Variants in DUSP8 observed in about 807,000 individuals in gnomAD.
DUSP8 encodes dual specificity phosphatase 8, also known as dual specificity protein phosphatase 8.
A neutral mutation model predicts 38.7 loss-of-function variants in DUSP8; 15 were observed. The ratio of observed to expected loss-of-function variants is 0.39; its 90% CI spans 0.26 to 0.60. The LOEUF (loss-of-function observed/expected upper bound fraction) is 0.60, where lower values mean the gene tolerates loss of function less well. Among genes scored for constraint, DUSP8 ranks in the 20% least tolerant of loss-of-function variants. The pLI, the probability that DUSP8 is intolerant of heterozygous loss-of-function variation, is 0.56. For synonymous variants in DUSP8, 458 were observed against 433.9 expected (o/e 1.06, Z -0.69); for missense variants, 768 against 915.0 (o/e 0.84, Z 2.07).
chr11:1,566,923 C>G (rs1307390106), intron 1 of DUSP8, among the ~76,000 whole-genome samples: 1 of 152,160 alleles, frequency 6.6e-6, no homozygotes, highest in African/African-American at 2.4e-5. Context: ...TGTCACTGCC[C>G]CACTGCCGGG....
Position 1,556,476 on chromosome 11 carries a change from C to G in DUSP8, c.*42G>C, listed in dbSNP as rs1459071248. 6.5e-6 allele frequency: 8 copies of G among 1,232,074 alleles called. No individual in the cohort carries two copies. The highest frequency in any genetic ancestry group is 6.1e-6 in the Non-Finnish European group (6 of 987,734). 76.3% of individuals were successfully genotyped at this position (1,232,074 alleles called of 1,614,324 possible). The stretch of plus-strand genomic sequence containing the variant: ...CATTATATATAATATACATTTATAA[C>G]GGGCCTGGCTGCGGGCGGCGGGGCC... On this transcript the variant is annotated 3_prime_UTR_variant, in exon 7 of 7. Coordinates refer to ENST00000397374, the MANE Select transcript of DUSP8 (RefSeq NM_004420.3). This position sits in a 1 kb window ranked among gnomAD's most constrained non-coding sequence, Gnocchi z 5.2.
At position 1,557,970 on chromosome 11, in the gene DUSP8, C is replaced by G; in HGVS notation, c.698-53G>C. Reference sequence around the variant, plus strand: ...TGAGGGCTAAGACTGCACAGCTTCTCCCTGGCCCAGGTAGGGGACCCCACC... The same window carrying G: ...TGAGGGCTAAGACTGCACAGCTTCTGCCTGGCCCAGGTAGGGGACCCCACC... On this transcript the variant is annotated intron_variant, in intron 5 of 6. Transcript: ENST00000397374. The surrounding 1 kb of genome is among the most constrained non-coding windows in gnomAD (Gnocchi z 9.9). 1 of 1,612,110 alleles carries G rather than the reference C, an allele frequency of 6.2e-7. No individual in the cohort carries two copies. The highest frequency in any genetic ancestry group is 2.2e-5 in the East Asian group (1 of 44,840).
intron 1 of DUSP8, chr11:1,571,692 C>G (rs866331374): frequency 6.6e-6 from 1 of 151,462 alleles, no homozygotes; most frequent in Non-Finnish European, 1.5e-5. Flanking sequence ...CCGGGTCCGC[C>G]GGGCGTTGCG....
intron 3 of DUSP8, among the ~76,000 whole-genome samples, chr11:1,559,809 G>A (rs1848690715): frequency 6.6e-6 from 1 of 152,132 alleles, no homozygotes; most frequent in Non-Finnish European, 1.5e-5. Context: ...ACACGTCCAA[G>A]TCCGAGGCCA....
intron 1 of DUSP8, among the ~76,000 whole-genome samples, chr11:1,566,354 CCCT>C (rs1204036329): frequency 6.6e-6 from 1 of 152,134 alleles, no homozygotes; most frequent in Non-Finnish European, 1.5e-5. Flanking sequence ...AAGCTCTCTG[CCCT>C]CCTCCGGGCT....
Position 1,556,399 on chromosome 11 carries a change from G to T in DUSP8, c.*119C>A, listed in dbSNP as rs1239148761. The stretch of plus-strand genomic sequence containing the variant: ...GAACAGCTTAAATAAATAAAAAATC[G>T]AAATATTTACTTCTCGATAAAAATC... On this transcript the variant is annotated 3_prime_UTR_variant, in exon 7 of 7. Transcript: ENST00000397374. The surrounding 1 kb of genome is among the most constrained non-coding windows in gnomAD (Gnocchi z 5.2). 1 of 1,204,452 alleles carries T rather than the reference G, an allele frequency of 8.3e-7. No homozygotes were observed. Among genetic ancestry groups the T allele is most frequent in the Admixed American group, 4.2e-5 (1 of 23,612 alleles). 74.6% of individuals were successfully genotyped at this position (1,204,452 alleles called of 1,614,324 possible).
In DUSP8 at chr11:1,558,862, A is replaced by G. The variant is rs1464994960; in HGVS notation, c.537+27T>C. ...AGCTCCTGCCCCTTTCCCATTGACCACCCCCCGAACTCCACTGCACACACA... is the reference window on the plus strand; with the variant it reads ...AGCTCCTGCCCCTTTCCCATTGACCGCCCCCCGAACTCCACTGCACACACA... On this transcript the variant is annotated intron_variant, in intron 4 of 6. Coordinates refer to ENST00000397374, the MANE Select transcript of DUSP8 (RefSeq NM_004420.3). The surrounding 1 kb of genome is among the most constrained non-coding windows in gnomAD (Gnocchi z 6.3). 3.2e-6 allele frequency: 5 copies of G among 1,566,992 alleles called. No homozygotes were observed. Among genetic ancestry groups the G allele is most frequent in the Non-Finnish European group, 4.3e-6 (5 of 1,153,150 alleles).
upstream of DUSP8, chr11:1,572,792 C>G (rs1000029971): frequency 6.6e-6 from 1 of 152,412 alleles, no homozygotes; most frequent in East Asian, 1.9e-4. This position sits in a 1 kb window ranked among gnomAD's most constrained non-coding sequence, Gnocchi z 4.7. Flanking sequence ...CCCGCCGCGA[C>G]CCCCGCAGGA....
chr11:1,555,407 T>C lies in DUSP8; in HGVS notation c.*1111A>G. On this transcript the variant is annotated 3_prime_UTR_variant, in exon 7 of 7. Coordinates refer to ENST00000397374, the MANE Select transcript of DUSP8 (RefSeq NM_004420.3). ...GCTTGGCTGGCGCCTGAACTCCCTG[T>C]GTGAGCAGCACCTGCTCACAGAGCC... 1 of 986,384 alleles carries C rather than the reference T, an allele frequency of 1.0e-6. No homozygotes were observed. The highest frequency in any genetic ancestry group is 1.2e-6 in the Non-Finnish European group (1 of 830,038). 61.1% of individuals were successfully genotyped at this position (986,384 alleles called of 1,614,324 possible).
At chr11:1,565,447 G>A in intron 2 of DUSP8, 149 bp downstream of exon 2, 1 of 668,194 alleles carries the variant, frequency 1.5e-6, no homozygotes, top group Admixed American at 2.6e-5. Flanking sequence ...GCAAGTGCCA[G>A]GGAGGACTGC....
chr11:1,557,282 G>C lies in DUSP8; in HGVS notation c.1114C>G (p.Gln372Glu). The C allele has an allele frequency of 6.8e-7, 1 of 1,477,276 alleles. No homozygotes were observed. The highest frequency in any genetic ancestry group is 8.9e-7 in the Non-Finnish European group (1 of 1,120,942). The allele number at this position is 1,477,276 out of a possible 1,614,324, so 91.5% of individuals were successfully genotyped here. ...GAGAGGTGCAGGCCGCGCAGGCCCTGCTGCAGTGCGCTGGTCGCCGGGGGC... is the reference window on the plus strand; with the variant it reads ...GAGAGGTGCAGGCCGCGCAGGCCCTCCTGCAGTGCGCTGGTCGCCGGGGGC... ...PTPPATSALQ[Q>E]GLRGLHLSSD... Residue 372 changes from glutamine to glutamate, a missense_variant, in exon 7 of 7, where the codon CAG becomes GAG. Transcript: ENST00000397374. The surrounding 1 kb of genome is among the most constrained non-coding windows in gnomAD (Gnocchi z 9.9).
chr11:1,571,023 G>GC (rs1848882307), intron 1 of DUSP8, among the ~76,000 whole-genome samples: 1 of 115,766 alleles, frequency 8.6e-6, no homozygotes, highest in African/African-American at 3.3e-5. Flanking sequence ...CAGTGTCCCC[G>GC]CCCCCCATCA....
In DUSP8 at chr11:1,557,492, G is replaced by T; in HGVS notation, c.904C>A (p.Leu302Met). The change falls in exon 7 of 7, where the codon CTG becomes ATG. Residue 302 changes from leucine to methionine, a missense_variant. Coordinates refer to ENST00000397374, the MANE Select transcript of DUSP8 (RefSeq NM_004420.3). This position sits in a 1 kb window ranked among gnomAD's most constrained non-coding sequence, Gnocchi z 9.9. ...GGGTCGCCCTGCAGGGCGGCCAGCA[G>T]CTTCAGGCTGCGCTCGTACTCCAGC... The part of the protein sequence containing the change: ...QLLEYERSLK[L>M]LAALQGDPGT... 6.3e-7 allele frequency: 1 copy of T among 1,581,464 alleles called. No individual in the cohort carries two copies.
At chr11:1,564,723 C>A (rs1225839696) in intron 2 of DUSP8, among the ~76,000 whole-genome samples, 1 of 152,244 alleles carries the variant, frequency 6.6e-6, no homozygotes, top group Non-Finnish European at 1.5e-5. Context: ...TCGCACTCTG[C>A]CGGGAGTCCT....
chr11:1,558,167 G>A lies in DUSP8; in HGVS notation c.642C>T (p.Asn214=), dbSNP rs752077678. 134 of 1,611,750 alleles carry A rather than the reference G, an allele frequency of 8.3e-5. No homozygotes were observed. Among genetic ancestry groups the A allele is most frequent in the Admixed American group, 1.2e-4 (7 of 59,976 alleles). ...CESRFMRVPI[N]DNYCEKLLPW... The stretch of plus-strand genomic sequence containing the variant: ...GCAGCAGTTTTTCACAGTAGTTGTC[G>A]TTGATGGGGACCCGCATGAAGCGGC... Residue 214 remains asparagine (N), a synonymous_variant, in exon 5 of 7, where the codon AAC becomes AAT. Transcript: ENST00000397374. The surrounding 1 kb of genome is among the most constrained non-coding windows in gnomAD (Gnocchi z 6.3).
rs145547062 is a variant in DUSP8, at chr11:1,563,966, G to A, written c.255C>T (p.Asp85=). Residue 85 remains aspartate (D), a synonymous_variant, in exon 3 of 7, where the codon GAC becomes GAT. Transcript: ENST00000397374. ...RSQVEATEPQ[D]VVVYDQSTRD... ...GCGTGCTCTGGTCATAGACCACCAC[G>A]TCCTGTGGCTCCGTAGCCTCCACCT... The A allele has an allele frequency of 5.5e-5, 83 of 1,509,394 alleles. 2 individuals are homozygous for A. The South Asian group carries it at 8.9e-4, about 16-fold the overall frequency. 93.5% of individuals were successfully genotyped at this position (1,509,394 alleles called of 1,614,324 possible). A position where few individuals can be genotyped will look rare whatever the true frequency, so the allele number is the denominator to read the frequency against.
rs1245066370 is a variant in DUSP8 at position 1,557,463 on chromosome 11, G to A, written c.933C>T (p.Gly311=). The change falls in exon 7 of 7, where the codon GGC becomes GGT. Residue 311 remains glycine (G), a synonymous_variant. Transcript: ENST00000397374. This position sits in a 1 kb window ranked among gnomAD's most constrained non-coding sequence, Gnocchi z 9.9. ...GAGGCTCCGGCGTCCCTGAGGGGGT[G>A]CCCGGGTCGCCCTGCAGGGCGGCCA... is the stretch of plus-strand genomic sequence containing the variant. ...KLLAALQGDP[G]TPSGTPEPPP... 1.9e-6 allele frequency: 3 copies of A among 1,562,238 alleles called. No individual in the cohort carries two copies. The highest frequency in any genetic ancestry group is 1.9e-5 in the Admixed American group (1 of 53,002).
chr11:1,566,866 G>A (rs548680305), intron 1 of DUSP8, among the ~76,000 whole-genome samples: 1 of 152,214 alleles, frequency 6.6e-6, no homozygotes, highest in African/African-American at 2.4e-5. Flanking sequence ...AGGGATGTCT[G>A]AGGATGGAGT....
intron 1 of DUSP8, 134 bp from the exon 2 acceptor site, chr11:1,566,068 T>A: frequency 1.8e-6 from 1 of 540,938 alleles, no homozygotes; most frequent in Non-Finnish European, 3.3e-6. Context: ...CCCTTCTCCC[T>A]CTGGAGAGAC....
Sources: gnomAD v4.1 joint callset for allele counts (sites outside exome capture counted in the v4.1 genomes callset) on GRCh38, gnomAD v4.1.1 for gene constraint, Gnocchi (gnomAD v3.1) non-coding constraint, MANE v1.5 for transcripts, NCBI Gene and HGNC (gene_info 2026-07-23, HGNC 2026-07-21) for gene names.